The following LRRTM4 variants were observed in gnomAD, a reference collection of about 807,000 sequenced individuals.
LRRTM4 encodes leucine-rich repeat transmembrane neuronal protein 4.
In LRRTM4, 25 loss-of-function variants were observed where a neutral mutation model predicts 47.6. The observed-to-expected ratio is 0.53, with a 90% CI of 0.38 to 0.73. LRRTM4 has a LOEUF of 0.73. Among genes scored for constraint, LRRTM4 ranks in the 30% least tolerant of loss-of-function variants. The pLI is 0.00. For missense variants in LRRTM4, 638 were observed against 713.4 expected, an observed-to-expected ratio of 0.89 and a Z score of 1.20; for synonymous variants, 311 against 269.5, an observed-to-expected ratio of 1.15 and a Z score of -1.51.
At chr2:76,857,301 G>C (rs1672180908) in intron 3 of LRRTM4, among the ~76,000 whole-genome samples, 1 of 146,110 alleles carries the variant, frequency 6.8e-6, no homozygotes, top group African/African-American at 2.5e-5. Flanking sequence ...TAAAAACACA[G>C]TATATATAAT....
At chr2:77,166,505 C>T (rs1258955681) in intron 3 of LRRTM4, among the ~76,000 whole-genome samples, 2 of 152,166 alleles carry the variant, frequency 1.3e-5, no homozygotes, top group Non-Finnish European at 2.9e-5. Context: ...CAAGACAATA[C>T]TAAGCCACAA....
chr2:77,435,008 C>A (rs149237237), intron 3 of LRRTM4, among the ~76,000 whole-genome samples: 10 of 152,028 alleles, frequency 6.6e-5, no homozygotes, highest in African/African-American at 2.2e-4. Context: ...TTGGGTCATA[C>A]AATTTTTTGT....
chr2:77,153,173 C>G (rs929427712), intron 3 of LRRTM4, among the ~76,000 whole-genome samples: 1 of 152,174 alleles, frequency 6.6e-6, no homozygotes, highest in African/African-American at 2.4e-5. Context: ...AGGACCTCTT[C>G]CCTATTAAAA....
At chr2:77,446,550 A>G (rs937380237) in intron 3 of LRRTM4, among the ~76,000 whole-genome samples, 1 of 152,112 alleles carries the variant, frequency 6.6e-6, no homozygotes, top group African/African-American at 2.4e-5. Flanking sequence ...GCGATTTGCA[A>G]TAATTAGCCC....
intron 3 of LRRTM4, among the ~76,000 whole-genome samples, chr2:77,070,643 G>T (rs1053051347): frequency 6.6e-6 from 1 of 151,190 alleles, no homozygotes; most frequent in Non-Finnish European, 1.5e-5. Flanking sequence ...CTTCTTTGTT[G>T]TTTTGAGACA....
At chr2:77,457,728 A>G (rs915116745) in intron 3 of LRRTM4, among the ~76,000 whole-genome samples, 1 of 152,032 alleles carries the variant, frequency 6.6e-6, no homozygotes, top group Non-Finnish European at 1.5e-5. Context: ...AAACTATACA[A>G]TTTGGTTCTG....
chr2:76,822,482 A>T (rs1671080375), intron 3 of LRRTM4, among the ~76,000 whole-genome samples: 1 of 151,440 alleles, frequency 6.6e-6, no homozygotes, highest in African/African-American at 2.4e-5. Context: ...TCACAATAAA[A>T]GAAATAATAG....
intron 3 of LRRTM4, among the ~76,000 whole-genome samples, chr2:76,818,241 G>A (rs562998310): frequency 4.0e-5 from 6 of 151,872 alleles, no homozygotes; most frequent in African/African-American, 1.2e-4. Context: ...TTCTTTATAC[G>A]TATTCTGAAA....
At chr2:76,882,874 C>A (rs924615062) in intron 3 of LRRTM4, among the ~76,000 whole-genome samples, 2 of 152,100 alleles carry the variant, frequency 1.3e-5, no homozygotes, top group Non-Finnish European at 1.5e-5. Context: ...CTGTCTTCCA[C>A]GGGCCTACTC....
intron 3 of LRRTM4, among the ~76,000 whole-genome samples, chr2:77,062,079 T>C (rs1270402729): frequency 1.3e-5 from 2 of 152,200 alleles, no homozygotes; most frequent in African/African-American, 2.4e-5. Context: ...GAGGAGTGAC[T>C]GAAATATTTT....
At chr2:77,019,984 T>G (rs1227629904) in intron 3 of LRRTM4, among the ~76,000 whole-genome samples, 1 of 152,072 alleles carries the variant, frequency 6.6e-6, no homozygotes, top group Non-Finnish European at 1.5e-5. Flanking sequence ...TGACCTGTGT[T>G]TTTTGATAGC....
In LRRTM4 at chr2:77,482,481, A is replaced by T. The variant is rs576788502; in HGVS notation, c.1551+35837T>A. 2.6e-4 allele frequency among the ~76,000 whole-genome samples: 40 copies of T among 152,232 alleles called. No homozygotes were observed. In the South Asian group the frequency reaches 8.1e-3, roughly 31 times the overall value. ...ACACAGAGACCTGTGATTAATTTCT[A>T]TGCTATTTGAATGCATTAGGAAATA... On this transcript the variant is annotated intron_variant, in intron 3 of 3. Coordinates refer to ENST00000409884, the MANE Select transcript of LRRTM4 (RefSeq NM_001134745.3).
At chr2:77,191,413 A>G (rs929589513) in intron 3 of LRRTM4, among the ~76,000 whole-genome samples, 1 of 151,994 alleles carries the variant, frequency 6.6e-6, no homozygotes, top group Non-Finnish European at 1.5e-5. Context: ...AAAAATAAAA[A>G]TTCTTAATAT....
rs543082485 is a variant in LRRTM4 at position 77,339,265 on chromosome 2, A to T, written c.1551+179053T>A. On this transcript the variant is annotated intron_variant, in intron 3 of 3. Transcript: ENST00000409884. ...GAATGTAAAAATTTTAAAAAACTGT[A>T]ATTGTTTTAACTGCAATTTACTTAA... Among the ~76,000 whole-genome samples the T allele has an allele frequency of 7.5e-4, 114 of 152,122 alleles. 1 individual carries two copies. The highest frequency in any genetic ancestry group is 7.5e-3 in the South Asian group (36 of 4,828).
At chr2:76,906,088 G>A (rs1261430304) in intron 3 of LRRTM4, among the ~76,000 whole-genome samples, 1 of 152,146 alleles carries the variant, frequency 6.6e-6, no homozygotes, top group Non-Finnish European at 1.5e-5. Context: ...GTTAAGGGCA[G>A]CCAGAGAGAA....
At chr2:77,081,818 C>T (rs1019242116) in intron 3 of LRRTM4, among the ~76,000 whole-genome samples, 6 of 152,088 alleles carry the variant, frequency 3.9e-5, no homozygotes, top group African/African-American at 7.2e-5. Flanking sequence ...ACTAAATATC[C>T]TTTTAGACCA....
chr2:77,479,255 T>C (rs1677557597), intron 3 of LRRTM4, among the ~76,000 whole-genome samples: 1 of 152,182 alleles, frequency 6.6e-6, no homozygotes. Context: ...GTTTCTTTCT[T>C]GACCTTTTCA....
intron 3 of LRRTM4, among the ~76,000 whole-genome samples, chr2:77,455,169 CAG>C (rs1676476058): frequency 6.6e-6 from 1 of 152,134 alleles, no homozygotes; most frequent in Non-Finnish European, 1.5e-5. Flanking sequence ...GCCTGGATGA[CAG>C]AGCAAGACTC....
chr2:76,758,757 T>C (rs1426004916), intron 3 of LRRTM4, among the ~76,000 whole-genome samples: 1 of 152,180 alleles, frequency 6.6e-6, no homozygotes, highest in Non-Finnish European at 1.5e-5. Flanking sequence ...CATTTATTTA[T>C]GTATTCATTT....
Sources: allele counts gnomAD v4.1 joint callset (sites outside exome capture counted in the v4.1 genomes callset), GRCh38; gene constraint gnomAD v4.1.1; transcripts MANE v1.5; gene names NCBI Gene and HGNC (gene_info 2026-07-23, HGNC 2026-07-21).